The following RPSA2 variants were observed in gnomAD, a reference collection of about 807,000 sequenced individuals.
RPSA2 encodes ribosomal protein SA 2.
At chr19:23,844,472 G>A in the RPSA2 span, among the ~76,000 whole-genome samples, 1 of 151,990 alleles carries the variant, frequency 6.6e-6, no homozygotes, top group Non-Finnish European at 1.5e-5. Flanking sequence ...ACTCATGTTG[G>A]CTATTTGTAT....
the RPSA2 span, among the ~76,000 whole-genome samples, chr19:23,817,321 G>A: frequency 6.6e-6 from 1 of 152,192 alleles, no homozygotes; most frequent in African/African-American, 2.4e-5. Flanking sequence ...GGGAGAGGTT[G>A]CAGTGAGCCA....
chr19:23,870,028 T>C, the RPSA2 span, among the ~76,000 whole-genome samples: 148,977 of 152,308 alleles, frequency 0.98, 72,952 homozygotes, highest in Middle Eastern at 1. Context: ...ACTTTGATAT[T>C]TGGGTCACAT....
the RPSA2 span, among the ~76,000 whole-genome samples, chr19:23,846,556 T>C: frequency 6.6e-6 from 1 of 152,202 alleles, no homozygotes; most frequent in African/African-American, 2.4e-5. Flanking sequence ...CCCAGTCTAT[T>C]GGTAGTTAGT....
the RPSA2 span, among the ~76,000 whole-genome samples, chr19:23,863,023 A>C: frequency 6.6e-6 from 1 of 151,986 alleles, no homozygotes; most frequent in African/African-American, 2.4e-5. Flanking sequence ...AATGTGTAAA[A>C]AATAATTAGG....
At chr19:23,760,665 ATATATT>A in the RPSA2 span, among the ~76,000 whole-genome samples, 6 of 101,764 alleles carry the variant, frequency 5.9e-5, no homozygotes, top group African/African-American at 1.4e-4. Flanking sequence ...ATATATATAT[ATATATT>A]TTTTTTTTTT....
chr19:23,831,841 T>C, the RPSA2 span: 1 of 288,912 alleles, frequency 3.5e-6, no homozygotes, highest in Non-Finnish European at 7.3e-6. Flanking sequence ...TTTATAAATT[T>C]TTAAATTCAA....
At chr19:23,846,275 C>G in the RPSA2 span, among the ~76,000 whole-genome samples, 1 of 152,030 alleles carries the variant, frequency 6.6e-6, no homozygotes, top group Non-Finnish European at 1.5e-5. Flanking sequence ...TTTCATAAAT[C>G]TATACATTTC....
the RPSA2 span, among the ~76,000 whole-genome samples, chr19:23,808,112 C>G: frequency 6.6e-6 from 1 of 152,082 alleles, no homozygotes; most frequent in African/African-American, 2.4e-5. Flanking sequence ...CCTGAACTTT[C>G]CACATTCCTG....
the RPSA2 span, among the ~76,000 whole-genome samples, chr19:23,805,780 G>C: frequency 3.9e-5 from 6 of 152,076 alleles, no homozygotes; most frequent in Admixed American, 3.9e-4. Context: ...TTCTAAACTT[G>C]TGTTTTTTCT....
At chr19:23,761,930 T>TC in the RPSA2 span, among the ~76,000 whole-genome samples, 20 of 127,436 alleles carry the variant, frequency 1.6e-4, 3 homozygotes, top group East Asian at 5.1e-4. Flanking sequence ...CTTTTTTTTT[T>TC]TTTTTGAGAT....
At chr19:23,862,165 T>G in the RPSA2 span, among the ~76,000 whole-genome samples, 150 of 152,308 alleles carry the variant, frequency 9.8e-4, no homozygotes, top group African/African-American at 3.2e-3. Flanking sequence ...CACTCGTGAT[T>G]TGGCTCTCTG....
the RPSA2 span, among the ~76,000 whole-genome samples, chr19:23,856,302 C>T: frequency 5.9e-5 from 9 of 152,100 alleles, no homozygotes; most frequent in Non-Finnish European, 1.3e-4. Context: ...CAACACGATC[C>T]CATAGTTCCA....
the RPSA2 span, among the ~76,000 whole-genome samples, chr19:23,761,931 T>TCTTTCC: frequency 1.6e-5 from 1 of 61,694 alleles, no homozygotes; most frequent in African/African-American, 7.5e-5. Context: ...TTTTTTTTTT[T>TCTTTCC]TTTTGAGATG....
chr19:23,864,339 C>T, the RPSA2 span, among the ~76,000 whole-genome samples: 1 of 152,208 alleles, frequency 6.6e-6, no homozygotes, highest in Non-Finnish European at 1.5e-5. Context: ...TTAATTTCCT[C>T]ATGGGCTTCA....
At chr19:23,822,172 T>C in the RPSA2 span, among the ~76,000 whole-genome samples, 1 of 152,188 alleles carries the variant, frequency 6.6e-6, no homozygotes, top group Non-Finnish European at 1.5e-5. Context: ...ACCTTCCTTA[T>C]ATTGATTGCC....
the RPSA2 span, among the ~76,000 whole-genome samples, chr19:23,853,119 G>T: frequency 2.6e-5 from 4 of 152,238 alleles, no homozygotes; most frequent in Admixed American, 2.6e-4. Context: ...CCCTGAGGAA[G>T]TACTTTCCAT....
At chr19:23,825,836 G>A in the RPSA2 span, among the ~76,000 whole-genome samples, 10 of 151,966 alleles carry the variant, frequency 6.6e-5, no homozygotes, top group African/African-American at 1.9e-4. Flanking sequence ...TGATCTGCCC[G>A]CCTCAGCTTC....
At chr19:23,812,083 G>A in the RPSA2 span, among the ~76,000 whole-genome samples, 2 of 152,018 alleles carry the variant, frequency 1.3e-5, no homozygotes, top group Non-Finnish European at 2.9e-5. Flanking sequence ...AATGTACATT[G>A]ATGTTGCCAA....
the RPSA2 span, among the ~76,000 whole-genome samples, chr19:23,844,883 A>T: frequency 6.6e-6 from 1 of 150,902 alleles, no homozygotes; most frequent in East Asian, 2.0e-4. Context: ...CTGTGCATTT[A>T]TCTAGTTCTG....
Sources: allele counts gnomAD v4.1 joint callset (sites outside exome capture counted in the v4.1 genomes callset), GRCh38; gene constraint gnomAD v4.1.1; transcripts MANE v1.5; gene names NCBI Gene and HGNC (gene_info 2026-07-23, HGNC 2026-07-21).